Variants in OLFM3 observed in about 807,000 individuals in gnomAD.
OLFM3 encodes the protein olfactomedin 3, also known as noelin-3.
Under a neutral mutation model 48.6 loss-of-function variants are expected in OLFM3, and 20 were observed. That is an observed-to-expected ratio of 0.41 (90% confidence interval 0.29 to 0.60). OLFM3 has a LOEUF of 0.60. OLFM3 is among the 20% of genes least tolerant of loss of function. OLFM3 has a pLI of 0.28. For missense variants in OLFM3, 437 were observed against 544.3 expected (o/e 0.80, Z 1.96); for synonymous variants, 222 against 198.1 (o/e 1.12, Z -1.01).
At chr1:101,971,572 G>GTTTTCTGAACT (rs1660804701) in intron 1 of OLFM3, among the ~76,000 whole-genome samples, 5 of 152,140 alleles carry the variant, frequency 3.3e-5, no homozygotes, top group Non-Finnish European at 5.9e-5. Context: ...GCAGAATAAA[G>GTTTTCTGAACT]TTCAGAAAAC....
intron 1 of OLFM3, 129 bp from the exon 2 acceptor site, chr1:101,837,154 G>T: frequency 1.1e-6 from 1 of 921,232 alleles, no homozygotes; most frequent in Non-Finnish European, 1.6e-6. Context: ...TTTAAAGTTA[G>T]CAGAGAGATA....
intron 1 of OLFM3, among the ~76,000 whole-genome samples, chr1:101,949,487 A>G (rs987963246): frequency 6.6e-6 from 1 of 152,178 alleles, no homozygotes; most frequent in African/African-American, 2.4e-5. Context: ...CCACCCTCAC[A>G]CTTTGACTTC....
At chr1:101,822,245 A>C (rs1557688136) in intron 4 of OLFM3, among the ~76,000 whole-genome samples, 2 of 152,172 alleles carry the variant, frequency 1.3e-5, no homozygotes, top group Non-Finnish European at 2.9e-5. Context: ...AACCAGACAG[A>C]ATACCTGTAG....
intron 4 of OLFM3, among the ~76,000 whole-genome samples, chr1:101,817,296 A>G (rs369109253): frequency 4.6e-5 from 7 of 152,078 alleles, no homozygotes; most frequent in African/African-American, 1.7e-4. Context: ...TGCTTCATTG[A>G]TTTTCTCCTG....
chr1:101,833,182 T>C (rs1203220562), intron 2 of OLFM3, among the ~76,000 whole-genome samples: 1 of 152,248 alleles, frequency 6.6e-6, no homozygotes, highest in African/African-American at 2.4e-5. Flanking sequence ...TGACTCACCC[T>C]ATAAGGTTAA....
At chr1:101,836,566 G>A (rs562507193) in intron 2 of OLFM3, among the ~76,000 whole-genome samples, 5 of 150,882 alleles carry the variant, frequency 3.3e-5, no homozygotes, top group East Asian at 2.0e-4. Context: ...TGAGAGTGGA[G>A]CTGAATTTTT....
chr1:101,929,900 C>T (rs1659395109), intron 1 of OLFM3, among the ~76,000 whole-genome samples: 3 of 152,038 alleles, frequency 2.0e-5, no homozygotes, highest in African/African-American at 7.2e-5. Context: ...ATATAATAAA[C>T]TTACATAAAT....
intron 4 of OLFM3, chr1:101,812,601 C>T: frequency 1.0e-6 from 1 of 985,608 alleles, no homozygotes; most frequent in Non-Finnish European, 1.2e-6. Flanking sequence ...TTCCAAACAA[C>T]CCACAGCACA....
At chr1:101,969,057 C>T (rs191476188) in intron 1 of OLFM3, among the ~76,000 whole-genome samples, 254 of 152,314 alleles carry the variant, frequency 1.7e-3, no homozygotes, top group Non-Finnish European at 2.7e-3. Context: ...ACATTAGTGA[C>T]CCAGAGTGAA....
At chr1:101,890,058 T>C (rs1455800885) in intron 1 of OLFM3, among the ~76,000 whole-genome samples, 2 of 152,032 alleles carry the variant, frequency 1.3e-5, no homozygotes, top group Admixed American at 6.6e-5. Context: ...ATGACACTTG[T>C]TCACATCAAA....
intron 1 of OLFM3, among the ~76,000 whole-genome samples, chr1:101,845,191 T>A (rs1422605429): frequency 6.6e-6 from 1 of 151,542 alleles, no homozygotes; most frequent in Non-Finnish European, 1.5e-5. Context: ...ATTATTATTA[T>A]TTTTTTTGCA....
Position 101,863,354 on chromosome 1 carries a change from T to C in OLFM3, c.70-26329A>G, listed in dbSNP as rs375594107. ...CATACTCCATTCATTGTCTGAGTTC[T>C]GCTTTCTGCTGCACCAGCCAAGATT... On this transcript the variant is annotated intron_variant, in intron 1 of 5. Transcript: ENST00000370103. 3.3e-5 allele frequency among the ~76,000 whole-genome samples: 5 copies of C among 152,392 alleles called. No individual in the cohort carries two copies. The South Asian group carries it at 1.0e-3, about 32-fold the overall frequency.
chr1:101,842,044 G>A (rs186850382), intron 1 of OLFM3, among the ~76,000 whole-genome samples: 4 of 152,116 alleles, frequency 2.6e-5, no homozygotes, highest in Admixed American at 6.6e-5. Context: ...GACAGACCAC[G>A]CCAAAAGAAG....
chr1:101,939,142 A>G (rs577413878), intron 1 of OLFM3, among the ~76,000 whole-genome samples: 2 of 152,336 alleles, frequency 1.3e-5, no homozygotes, highest in African/African-American at 4.8e-5. Context: ...AACACCATCC[A>G]GTGCTACAGA....
At chr1:101,982,747 T>C (rs768587678) in intron 1 of OLFM3, among the ~76,000 whole-genome samples, 2 of 152,178 alleles carry the variant, frequency 1.3e-5, no homozygotes, top group African/African-American at 2.4e-5. Context: ...AGCTGGAACA[T>C]TGGCTCTTCC....
At chr1:101,927,524 TTTC>T (rs1659309223) in intron 1 of OLFM3, among the ~76,000 whole-genome samples, 1 of 151,896 alleles carries the variant, frequency 6.6e-6, no homozygotes, top group Non-Finnish European at 1.5e-5. Context: ...TATGGAAAAT[TTTC>T]TTTCTTGAGT....
chr1:101,819,707 G>A (rs1347389833), intron 4 of OLFM3, among the ~76,000 whole-genome samples: 1 of 151,926 alleles, frequency 6.6e-6, no homozygotes, highest in Non-Finnish European at 1.5e-5. Flanking sequence ...AGGTATCTGG[G>A]GGGGTCTTTA....
intron 1 of OLFM3, among the ~76,000 whole-genome samples, chr1:101,902,496 C>T (rs1484550673): frequency 1.3e-5 from 2 of 151,696 alleles, no homozygotes; most frequent in East Asian, 3.9e-4. Context: ...GAGAGGGAGA[C>T]ATTAAAGATG....
At position 101,855,440 on chromosome 1, in the gene OLFM3, C is replaced by T. The variant is rs144994529; in HGVS notation, c.70-18415G>A. On this transcript the variant is annotated intron_variant, in intron 1 of 5. Coordinates refer to ENST00000370103, the MANE Select transcript of OLFM3 (RefSeq NM_058170.4). The stretch of plus-strand genomic sequence containing the variant: ...TGTTAGTTATGCTATCTCACTGTGT[C>T]TCATACACACACTCACCTCATAGGT... Among the ~76,000 whole-genome samples the T allele has an allele frequency of 1.2e-3, 178 of 152,178 alleles. 1 individual carries two copies. The highest frequency in any genetic ancestry group is 4.0e-3 in the African/African-American group (166 of 41,548).
Sources: gnomAD v4.1 joint callset for allele counts (sites outside exome capture counted in the v4.1 genomes callset) on GRCh38, gnomAD v4.1.1 for gene constraint, MANE v1.5 for transcripts, NCBI Gene and HGNC (gene_info 2026-07-23, HGNC 2026-07-21) for gene names.